Variants in TAFA4 observed in about 807,000 individuals in gnomAD.
TAFA4 encodes chemokine-like protein TAFA-4.
In TAFA4, 20 loss-of-function variants were observed where a neutral mutation model predicts 21.1. The ratio of observed to expected loss-of-function variants is 0.95; its 90% CI spans 0.67 to 1.38. The LOEUF (loss-of-function observed/expected upper bound fraction) is 1.38. Among genes scored for constraint, TAFA4 ranks in the 40% most tolerant of loss-of-function variants. The probability of loss-of-function intolerance (pLI) is 0.00; values close to 1 mark genes in which losing one functional copy is unlikely to be tolerated. For synonymous variants in TAFA4, 71 were observed against 67.4 expected, an observed-to-expected ratio of 1.05 and a Z score of -0.26; for missense variants, 211 against 180.9, an observed-to-expected ratio of 1.17 and a Z score of -0.95.
chr3:68,874,324 T>TCTGAGA (rs1164951679), intron 3 of TAFA4, among the ~76,000 whole-genome samples: 1 of 152,186 alleles, frequency 6.6e-6, no homozygotes, highest in African/African-American at 2.4e-5. Context: ...AGTGTTCTAT[T>TCTGAGA]CTGAGACTAC....
chr3:68,776,070 C>T (rs542572290), intron 3 of TAFA4, among the ~76,000 whole-genome samples: 1 of 151,780 alleles, frequency 6.6e-6, no homozygotes, highest in Non-Finnish European at 1.5e-5. Flanking sequence ...AAAAAGTATT[C>T]AAAAATGGCA....
At chr3:68,914,409 T>C (rs546983105) in intron 1 of TAFA4, among the ~76,000 whole-genome samples, 2 of 152,378 alleles carry the variant, frequency 1.3e-5, no homozygotes, top group South Asian at 4.1e-4. Flanking sequence ...TATGTACCTA[T>C]GTGAACATTC....
chr3:68,838,989 C>G (rs1010001120), intron 3 of TAFA4, among the ~76,000 whole-genome samples: 3 of 151,964 alleles, frequency 2.0e-5, no homozygotes, highest in African/African-American at 7.3e-5. Flanking sequence ...TCCCAGCTAC[C>G]CAGGAGGCTG....
At chr3:68,808,835 T>C (rs1303826004) in intron 3 of TAFA4, among the ~76,000 whole-genome samples, 2 of 152,228 alleles carry the variant, frequency 1.3e-5, no homozygotes, top group Admixed American at 1.3e-4. Flanking sequence ...AAATGTCTAC[T>C]GAAAATGAGC....
At chr3:68,841,835 T>C (rs1704673541) in intron 3 of TAFA4, among the ~76,000 whole-genome samples, 1 of 152,174 alleles carries the variant, frequency 6.6e-6, no homozygotes. Context: ...CTGAGAATGA[T>C]GGTTTCCAGC....
intron 3 of TAFA4, among the ~76,000 whole-genome samples, chr3:68,773,104 G>A (rs368606723): frequency 8.5e-4 from 129 of 152,076 alleles, no homozygotes; most frequent in Admixed American, 1.7e-3. Flanking sequence ...ATAAGCAGCC[G>A]GAATTATGCA....
intron 3 of TAFA4, among the ~76,000 whole-genome samples, chr3:68,788,608 T>A (rs1022311793): frequency 1.3e-5 from 2 of 151,990 alleles, no homozygotes; most frequent in Non-Finnish European, 2.9e-5. Context: ...TTAGGCGTTG[T>A]GTTTACATAT....
chr3:68,883,621 CAAAGAG>C (rs781551168), intron 2 of TAFA4, among the ~76,000 whole-genome samples: 1 of 152,064 alleles, frequency 6.6e-6, no homozygotes, highest in Non-Finnish European at 1.5e-5. Flanking sequence ...ATCTCTAATA[CAAAGAG>C]AAAGAGTTTA....
At chr3:68,788,147 A>G (rs553314316) in intron 3 of TAFA4, among the ~76,000 whole-genome samples, 8 of 152,308 alleles carry the variant, frequency 5.3e-5, no homozygotes, top group African/African-American at 1.9e-4. Flanking sequence ...AGTGGTGTGT[A>G]ACACGTGGCT....
intron 1 of TAFA4, among the ~76,000 whole-genome samples, chr3:68,930,753 G>T (rs1224425531): frequency 6.6e-6 from 1 of 152,174 alleles, no homozygotes; most frequent in Non-Finnish European, 1.5e-5. Flanking sequence ...TCTAGAGGAA[G>T]TGTTGGGCTT....
intron 3 of TAFA4, among the ~76,000 whole-genome samples, chr3:68,835,792 G>C (rs1444612530): frequency 6.6e-6 from 1 of 152,206 alleles, no homozygotes; most frequent in Non-Finnish European, 1.5e-5. Flanking sequence ...AGCTGCAGCA[G>C]ATGTGCTTTC....
chr3:68,742,019 C>A (rs570576323), intron 4 of TAFA4, among the ~76,000 whole-genome samples: 1 of 152,246 alleles, frequency 6.6e-6, no homozygotes, highest in South Asian at 2.1e-4. Context: ...TTAAGAGGAT[C>A]CTCCACTATG....
intron 3 of TAFA4, among the ~76,000 whole-genome samples, chr3:68,803,432 A>C (rs1030526069): frequency 2.0e-5 from 3 of 152,064 alleles, no homozygotes; most frequent in African/African-American, 4.8e-5. Flanking sequence ...ATTTATTCCC[A>C]GTTGCTGTGT....
At chr3:68,745,838 CT>C (rs1380714773) in intron 4 of TAFA4, among the ~76,000 whole-genome samples, 1 of 152,140 alleles carries the variant, frequency 6.6e-6, no homozygotes, top group Non-Finnish European at 1.5e-5. Context: ...TTTAGTTTAG[CT>C]GTATTTACAT....
At chr3:68,763,161 CAA>C (rs1294525197) in intron 3 of TAFA4, among the ~76,000 whole-genome samples, 7 of 152,118 alleles carry the variant, frequency 4.6e-5, no homozygotes, top group Admixed American at 3.3e-4. Context: ...CTGAAATATT[CAA>C]AAGAGAGTGA....
intron 3 of TAFA4, among the ~76,000 whole-genome samples, chr3:68,815,938 G>A (rs1433211529): frequency 6.6e-6 from 1 of 152,132 alleles, no homozygotes; most frequent in East Asian, 1.9e-4. Context: ...ATGATAGACT[G>A]GATTAAGAAA....
At chr3:68,899,797 T>G (rs1036960073) in intron 1 of TAFA4, among the ~76,000 whole-genome samples, 2 of 152,082 alleles carry the variant, frequency 1.3e-5, no homozygotes, top group African/African-American at 4.8e-5. Context: ...TCTTCCTAGT[T>G]TATGCCTTCA....
chr3:68,746,528 T>A (rs1159801414), intron 4 of TAFA4, among the ~76,000 whole-genome samples: 1 of 152,202 alleles, frequency 6.6e-6, no homozygotes, highest in Non-Finnish European at 1.5e-5. Context: ...GTTATTTCAA[T>A]CCTATTATTA....
intron 1 of TAFA4, among the ~76,000 whole-genome samples, chr3:68,916,419 C>T (rs989778386): frequency 6.6e-5 from 10 of 152,126 alleles, no homozygotes; most frequent in African/African-American, 2.4e-4. Flanking sequence ...AGTATCCATC[C>T]CTCCAATTCC....
Sources: gnomAD v4.1 joint callset for allele counts (sites outside exome capture counted in the v4.1 genomes callset) on GRCh38, gnomAD v4.1.1 for gene constraint, MANE v1.5 for transcripts, NCBI Gene and HGNC (gene_info 2026-07-23, HGNC 2026-07-21) for gene names.